IGFBP5: variants seen among roughly 807,000 people sequenced by gnomAD.
IGFBP5 encodes the protein insulin like growth factor binding protein 5.
Under a neutral mutation model 28.0 loss-of-function variants are expected in IGFBP5, and 12 were observed. The ratio of observed to expected loss-of-function variants is 0.43; its 90% CI spans 0.27 to 0.69. IGFBP5 has a LOEUF of 0.69. Among genes scored for constraint, IGFBP5 ranks in the 30% least tolerant of loss-of-function variants. The pLI, the probability that IGFBP5 is intolerant of heterozygous loss-of-function variation, is 0.20. For missense variants in IGFBP5, 344 were observed against 381.6 expected (o/e 0.90, Z 0.82); for synonymous variants, 152 against 150.2 (o/e 1.01, Z -0.09).
chr2:216,685,633 C>CTGTT (rs1283068592), intron 1 of IGFBP5, among the ~76,000 whole-genome samples: 1 of 152,184 alleles, frequency 6.6e-6, no homozygotes, highest in African/African-American at 2.4e-5. Flanking sequence ...TGGCTGTTCA[C>CTGTT]TGTTTGAAAA....
At chr2:216,676,920 C>G in intron 3 of IGFBP5, 38 bp from the exon 4 acceptor site, 1 of 1,607,358 alleles carries the variant, frequency 6.2e-7, no homozygotes, top group Non-Finnish European at 8.5e-7. Flanking sequence ...AGGACGGCCG[C>G]ACCCCAGGGC....
chr2:216,675,787 G>A lies in IGFBP5; in HGVS notation c.*964C>T, dbSNP rs1422367356. On this transcript the variant is annotated 3_prime_UTR_variant, in exon 4 of 4. Transcript: ENST00000233813. ...TTTATATGCCTATATATGACTATAT[G>A]GAGTCCTGTAGATAAATACGAGCCC... 5 of 152,022 alleles carry A rather than the reference G, an allele frequency of 3.3e-5. No individual in the cohort carries two copies. Among genetic ancestry groups the A allele is most frequent in the Non-Finnish European group, 4.4e-5 (3 of 68,008 alleles). The allele number at this position is 152,022 out of a possible 1,614,324, so 9.4% of individuals were successfully genotyped here.
intron 3 of IGFBP5, among the ~76,000 whole-genome samples, chr2:216,677,489 A>G (rs1688917020): frequency 6.6e-6 from 1 of 152,234 alleles, no homozygotes; most frequent in African/African-American, 2.4e-5. Flanking sequence ...CTGGAGGCAC[A>G]GAGACATTAA....
chr2:216,685,528 C>T (rs569817684), intron 1 of IGFBP5, among the ~76,000 whole-genome samples: 98 of 152,284 alleles, frequency 6.4e-4, no homozygotes, highest in African/African-American at 2.3e-3. Flanking sequence ...GAATGTTCTG[C>T]AGTCCCCCTC....
Position 216,691,904 on chromosome 2 carries a change from G to A in IGFBP5, c.337+2535C>T, listed in dbSNP as rs189726402. 2.8e-3 allele frequency among the ~76,000 whole-genome samples: 380 copies of A among 136,236 alleles called. 1 individual carries two copies. Among genetic ancestry groups the A allele is most frequent in the African/African-American group, 9.6e-3 (355 of 37,046 alleles). The allele number at this position is 136,236 out of a possible 152,430, so 89.4% of individuals were successfully genotyped here. A position where few individuals can be genotyped will look rare whatever the true frequency, so the allele number is the denominator to read the frequency against. On this transcript the variant is annotated intron_variant, in intron 1 of 3. Transcript: ENST00000233813. ...ATGCTGCAACTGCGGGAGGGAGGGGGCAAATCCATATCTGCAAGCTCAGAT... is the reference window on the plus strand; with the variant it reads ...ATGCTGCAACTGCGGGAGGGAGGGGACAAATCCATATCTGCAAGCTCAGAT...
In IGFBP5 at chr2:216,694,333, G is replaced by T. The variant is rs1689140655; in HGVS notation, c.337+106C>A. On this transcript the variant is annotated intron_variant, in intron 1 of 3. Transcript: ENST00000233813. This position sits in a 1 kb window ranked among gnomAD's most constrained non-coding sequence, Gnocchi z 5.2. ...GACCCTCCCCGACTACTCCCGAGCT[G>T]CACCCCAGCTCGAAGCCACTTGCTG... is the stretch of plus-strand genomic sequence containing the variant. 3.1e-6 allele frequency: 3 copies of T among 953,850 alleles called. No individual in the cohort carries two copies. The highest frequency in any genetic ancestry group is 4.5e-6 in the Non-Finnish European group (3 of 673,798). The allele number at this position is 953,850 out of a possible 1,614,324, so 59.1% of individuals were successfully genotyped here.
rs1305734577 is a variant in IGFBP5, at chr2:216,676,858, G to A, written c.712C>T (p.Arg238Cys). ...TTGTCCACGCACCAGCAGATGCCAC[G>A]TTTGCGGCCACGGGAAGGTTTGCAC... ...KQCKPSRGRK[R>C]GICWCVDKYG... is the part of the protein sequence containing the mutation. The change falls in exon 4 of 4, where the codon CGT (arginine) becomes TGT (cysteine). Residue 238 changes from arginine (R) to cysteine (C), a missense_variant. Physicochemically the swap from Arg to Cys is radical, Grantham distance 180. Transcript: ENST00000233813. 1.2e-6 allele frequency: 2 copies of A among 1,614,024 alleles called. No individual in the cohort carries two copies. Among genetic ancestry groups the A allele is most frequent in the South Asian group, 1.1e-5 (1 of 91,078 alleles).
rs771596160 is a variant in IGFBP5, at chr2:216,672,302, G to GT, written c.*4448dup. Reference sequence around the variant, plus strand: ...GAGCCGAGCTCTTCCGCATTCAGGTGTTTTTTTTTTTTTTTTCGGCTTTTT... The same window carrying GT: ...GAGCCGAGCTCTTCCGCATTCAGGTGTTTTTTTTTTTTTTTTTCGGCTTTTT... On this transcript the variant is annotated 3_prime_UTR_variant, in exon 4 of 4. Coordinates refer to ENST00000233813, the MANE Select transcript of IGFBP5 (RefSeq NM_000599.4). 0.055 allele frequency: 4,056 copies of GT among 73,690 alleles called. 176 individuals carry two copies. The highest frequency in any genetic ancestry group is 0.12 in the African/African-American group (2,798 of 23,120). The allele number at this position is 73,690 out of a possible 1,614,324, so 4.6% of individuals were successfully genotyped here.
At chr2:216,689,375 C>A (rs537770799) in intron 1 of IGFBP5, among the ~76,000 whole-genome samples, 2 of 152,224 alleles carry the variant, frequency 1.3e-5, no homozygotes, top group Non-Finnish European at 2.9e-5. Flanking sequence ...CTAAGCCAGG[C>A]TTGTATGCAA....
At chr2:216,680,924 G>A (rs11575181) in intron 1 of IGFBP5, among the ~76,000 whole-genome samples, 62 of 152,256 alleles carry the variant, frequency 4.1e-4, no homozygotes, top group Middle Eastern at 3.4e-3. Flanking sequence ...CTGCTGTGAC[G>A]ACTCATCAAT....
intron 1 of IGFBP5, among the ~76,000 whole-genome samples, chr2:216,693,279 G>A (rs1574584222): frequency 6.6e-6 from 1 of 152,204 alleles, no homozygotes; most frequent in East Asian, 1.9e-4. Context: ...CTGGCGCCGA[G>A]AATTTGGGGG....
intron 1 of IGFBP5, among the ~76,000 whole-genome samples, chr2:216,689,703 G>A (rs1689072107): frequency 6.6e-6 from 1 of 152,242 alleles, no homozygotes; most frequent in African/African-American, 2.4e-5. Flanking sequence ...TCTTGGGCAA[G>A]TGACTTCCCA....
intron 3 of IGFBP5, 47 bp from the exon 4 acceptor site, chr2:216,676,929 G>C: frequency 6.2e-7 from 1 of 1,602,388 alleles, no homozygotes; most frequent in Non-Finnish European, 8.5e-7. Flanking sequence ...GCACCCCAGG[G>C]CTCTGCTCCT....
chr2:216,683,366 A>G (rs1405096949), intron 1 of IGFBP5, among the ~76,000 whole-genome samples: 2 of 152,098 alleles, frequency 1.3e-5, no homozygotes, highest in Non-Finnish European at 2.9e-5. Flanking sequence ...ACAGAGTGAG[A>G]CCCTGTCTCA....
Position 216,695,076 on chromosome 2 carries a change from G to A in IGFBP5, c.-301C>T, listed in dbSNP as rs1689152658. 6.7e-6 allele frequency: 2 copies of A among 296,914 alleles called. No individual in the cohort carries two copies. The highest frequency in any genetic ancestry group is 4.3e-5 in the African/African-American group (2 of 46,422). 18.4% of individuals were successfully genotyped at this position (296,914 alleles called of 1,614,324 possible). A position where few individuals can be genotyped will look rare whatever the true frequency, so the allele number is the denominator to read the frequency against. ...CGGAGAAACCCTCAAGCCTGAGCGG[G>A]TCAGAATTATAGGGGAAAAAAAGCC... On this transcript the variant is annotated 5_prime_UTR_variant, in exon 1 of 4. Transcript: ENST00000233813.
Position 216,678,968 on chromosome 2 carries a change from T to C in IGFBP5, c.449A>G (p.Glu150Gly). ...KHTRISELKA[E>G]AVKKDRRKKL... is the part of the protein sequence containing the mutation. Reference sequence around the variant, plus strand: ...CTTTCTGCGGTCCTTCTTCACTGCTTCAGCCTTCAGCTCGGAGATGCGGGT... The same window carrying C: ...CTTTCTGCGGTCCTTCTTCACTGCTCCAGCCTTCAGCTCGGAGATGCGGGT... The change falls in exon 2 of 4, where the codon GAA becomes GGA. Residue 150 changes from glutamate (E) to glycine (G), a missense_variant. Physicochemically the swap from Glu to Gly is moderately conservative, Grantham distance 98. Transcript: ENST00000233813. 1.2e-6 allele frequency: 2 copies of C among 1,614,120 alleles called. No individual in the cohort carries two copies. Among genetic ancestry groups the C allele is most frequent in the Non-Finnish European group, 1.7e-6 (2 of 1,180,022 alleles).
rs891273156 is a variant in IGFBP5 at position 216,674,119 on chromosome 2, G to C, written c.*2632C>G. The C allele has an allele frequency of 6.5e-6, 1 of 152,934 alleles. No homozygotes were observed. The highest frequency in any genetic ancestry group is 1.5e-5 in the Non-Finnish European group (1 of 68,206). The allele number at this position is 152,934 out of a possible 1,614,324, so 9.5% of individuals were successfully genotyped here. ...AGGTCCAGGCTGGGAGGAATGTGGG[G>C]GGAGCTTGTAGTTCCTGGCTCAGTC... is the stretch of plus-strand genomic sequence containing the variant. On this transcript the variant is annotated 3_prime_UTR_variant, in exon 4 of 4. Transcript: ENST00000233813. The surrounding 1 kb of genome is among the most constrained non-coding windows in gnomAD (Gnocchi z 4.4).
At chr2:216,684,329 C>T (rs1316396686) in intron 1 of IGFBP5, among the ~76,000 whole-genome samples, 1 of 152,226 alleles carries the variant, frequency 6.6e-6, no homozygotes, top group East Asian at 1.9e-4. Flanking sequence ...GACCTCTTAG[C>T]CACACCCCGG....
Position 216,692,362 on chromosome 2 carries a change from CGTGTGTGTGTGTGT to C in IGFBP5, c.337+2063_337+2076del, listed in dbSNP as rs59144401. Among the ~76,000 whole-genome samples, 476 of 142,532 alleles carry C rather than the reference CGTGTGTGTGTGTGT, an allele frequency of 3.3e-3. 1 individual carries two copies. Among genetic ancestry groups the C allele is most frequent in the Non-Finnish European group, 5.4e-3 (349 of 64,932 alleles). 93.5% of individuals were successfully genotyped at this position (142,532 alleles called of 152,430 possible). A position where few individuals can be genotyped will look rare whatever the true frequency, so the allele number is the denominator to read the frequency against. ...GGGATCTTGCTTGGGACTGAAGTGT[CGTGTGTGTGTGTGT>C]GTGTGTGTGTGTGTGTGTGTGTGTG... On this transcript the variant is annotated intron_variant, in intron 1 of 3. Transcript: ENST00000233813. The surrounding 1 kb of genome is among the most constrained non-coding windows in gnomAD (Gnocchi z 4.2).
Sources: gnomAD v4.1 joint callset for allele counts (sites outside exome capture counted in the v4.1 genomes callset) on GRCh38, gnomAD v4.1.1 for gene constraint, Gnocchi (gnomAD v3.1) non-coding constraint, MANE v1.5 for transcripts, NCBI Gene and HGNC (gene_info 2026-07-23, HGNC 2026-07-21) for gene names.